The following AGBL3 variants were observed in gnomAD, a reference collection of about 807,000 sequenced individuals.
The protein encoded by AGBL3 is cytosolic carboxypeptidase 3.
In AGBL3, 68 loss-of-function variants were observed where a neutral mutation model predicts 94.5. The observed-to-expected ratio is 0.72, with a 90% CI of 0.59 to 0.88. AGBL3 has a LOEUF of 0.88. Among genes scored for constraint, AGBL3 ranks in the 40% least tolerant of loss-of-function variants. The pLI, the probability that AGBL3 is intolerant of heterozygous loss-of-function variation, is 0.00. For synonymous variants in AGBL3, 354 were observed against 370.7 expected (o/e 0.95, Z 0.52); for missense variants, 934 against 1,103.8 (o/e 0.85, Z 2.18).
At chr7:135,076,080 T>A (rs887612174) in intron 12 of AGBL3, among the ~76,000 whole-genome samples, 5 of 152,206 alleles carry the variant, frequency 3.3e-5, no homozygotes, top group African/African-American at 1.2e-4. Context: ...GGGATTTTTT[T>A]AAATTGCATT....
intron 5 of AGBL3, among the ~76,000 whole-genome samples, chr7:135,030,181 GA>G (rs142489617): frequency 2.3e-4 from 30 of 129,054 alleles, no homozygotes; most frequent in African/African-American, 4.5e-4. Flanking sequence ...AAAAAAGAAA[GA>G]AAAAAAACAG....
intron 13 of AGBL3, among the ~76,000 whole-genome samples, chr7:135,078,280 A>G (rs1820639502): frequency 6.6e-6 from 1 of 152,200 alleles, no homozygotes; most frequent in South Asian, 2.1e-4. Context: ...CTAAGTCTGT[A>G]CCCCTGAGGA....
intron 15 of AGBL3, among the ~76,000 whole-genome samples, chr7:135,110,190 G>A (rs1159039215): frequency 6.6e-6 from 1 of 152,106 alleles, no homozygotes; most frequent in Non-Finnish European, 1.5e-5. Context: ...TCTGTCTCAG[G>A]GAGGTACAAC....
intron 15 of AGBL3, among the ~76,000 whole-genome samples, chr7:135,099,708 CTCA>C (rs1335675555): frequency 6.6e-6 from 1 of 152,008 alleles, no homozygotes; most frequent in Non-Finnish European, 1.5e-5. Flanking sequence ...CAGATGTCTC[CTCA>C]TATTCTACAT....
chr7:135,088,919 G>A (rs546200418), intron 15 of AGBL3, among the ~76,000 whole-genome samples: 20 of 152,154 alleles, frequency 1.3e-4, no homozygotes, highest in South Asian at 6.2e-4. Context: ...ATGTCTCCCC[G>A]GACTTGGGAA....
chr7:135,021,743 G>A (rs943447944), intron 5 of AGBL3, among the ~76,000 whole-genome samples: 14 of 149,144 alleles, frequency 9.4e-5, no homozygotes, highest in Non-Finnish European at 1.8e-4. Context: ...ATGGTAGTTT[G>A]CTGGACCTAT....
chr7:135,050,686 G>GT (rs1240458280), intron 11 of AGBL3, among the ~76,000 whole-genome samples: 3 of 151,942 alleles, frequency 2.0e-5, no homozygotes, highest in African/African-American at 7.2e-5. Flanking sequence ...TCTCATGACA[G>GT]TTTTTTACTT....
chr7:135,099,632 T>A (rs12707213), intron 15 of AGBL3, among the ~76,000 whole-genome samples: 66,648 of 151,838 alleles, frequency 0.44, 15,323 homozygotes, highest in East Asian at 0.78. Flanking sequence ...TTCCTCTGTC[T>A]TATAAGATTT....
intron 4 of AGBL3, among the ~76,000 whole-genome samples, chr7:135,006,146 C>T (rs188582983): frequency 2.0e-5 from 3 of 151,926 alleles, no homozygotes; most frequent in East Asian, 1.9e-4. Context: ...GATGAAAATA[C>T]AGTGAAGAGG....
chr7:135,127,498 A>T (rs1192611700), intron 16 of AGBL3, among the ~76,000 whole-genome samples: 1 of 151,944 alleles, frequency 6.6e-6, no homozygotes, highest in African/African-American at 2.4e-5. Context: ...GGTTGCAGTG[A>T]GCCAAGATTG....
intron 15 of AGBL3, among the ~76,000 whole-genome samples, chr7:135,095,889 C>T (rs775547397): frequency 3.3e-5 from 5 of 152,276 alleles, no homozygotes; most frequent in South Asian, 4.1e-4. Flanking sequence ...CAGTGGCTCA[C>T]GCCTGTAATC....
intron 15 of AGBL3, among the ~76,000 whole-genome samples, chr7:135,100,982 C>T (rs2117026940): frequency 6.6e-6 from 1 of 152,218 alleles, no homozygotes; most frequent in East Asian, 1.9e-4. Flanking sequence ...CTTTGCATAC[C>T]CTGAGGTGTA....
chr7:135,056,338 T>A (rs1818347775), intron 11 of AGBL3, among the ~76,000 whole-genome samples: 1 of 152,124 alleles, frequency 6.6e-6, no homozygotes, highest in African/African-American at 2.4e-5. Flanking sequence ...CTTGGATTGT[T>A]CATTTTAAAG....
rs371774667 is a variant in AGBL3, at chr7:134,993,505, G to T, written c.137G>T (p.Gly46Val). 8 of 1,545,894 alleles carry T rather than the reference G, an allele frequency of 5.2e-6. No homozygotes were observed. Among genetic ancestry groups the T allele is most frequent in the Non-Finnish European group, 7.0e-6 (8 of 1,144,698 alleles). ...RCALLTADSF[G>V]DPFFPRTTQI... The stretch of plus-strand genomic sequence containing the variant: ...ATCTTTTTCTCAGCTGACTCTTTTG[G>T]TGATCCCTTCTTCCCCCGGACTACA... The change falls in exon 4 of 17, where the codon GGT becomes GTT. Residue 46 changes from glycine to valine, a missense_variant. By Grantham distance (109) the Gly-to-Val change is moderately radical (BLOSUM62 -3). Transcript: ENST00000436302.
intron 12 of AGBL3, among the ~76,000 whole-genome samples, chr7:135,061,074 A>G (rs1463125761): frequency 5.1e-5 from 6 of 118,626 alleles, no homozygotes; most frequent in African/African-American, 1.2e-4. Context: ...TTTTTTTTTT[A>G]TAACAGCCAC....
At chr7:135,123,480 T>C (rs1827429646) in intron 16 of AGBL3, among the ~76,000 whole-genome samples, 1 of 152,132 alleles carries the variant, frequency 6.6e-6, no homozygotes, top group African/African-American at 2.4e-5. Flanking sequence ...TATGATATTA[T>C]CCAGGAGAAC....
intron 4 of AGBL3, among the ~76,000 whole-genome samples, chr7:135,015,259 C>T (rs935809228): frequency 6.6e-6 from 1 of 152,134 alleles, no homozygotes; most frequent in African/African-American, 2.4e-5. Context: ...TCGAGAGTAG[C>T]TTTTTTGCAA....
chr7:135,103,879 TA>T (rs1824239470), intron 15 of AGBL3, among the ~76,000 whole-genome samples: 1 of 152,166 alleles, frequency 6.6e-6, no homozygotes. Context: ...TCAACTGCTT[TA>T]TTTTTTTTTA....
intron 12 of AGBL3, among the ~76,000 whole-genome samples, chr7:135,068,121 G>A (rs1481118862): frequency 6.6e-6 from 1 of 152,192 alleles, no homozygotes; most frequent in Non-Finnish European, 1.5e-5. Flanking sequence ...CGATCAACTG[G>A]AAGAAAGGGT....
Sources: gnomAD v4.1 joint callset for allele counts (sites outside exome capture counted in the v4.1 genomes callset) on GRCh38, gnomAD v4.1.1 for gene constraint, MANE v1.5 for transcripts, NCBI Gene and HGNC (gene_info 2026-07-23, HGNC 2026-07-21) for gene names.